Variants in ZNF670 observed in about 807,000 individuals in gnomAD.
ZNF670 encodes zinc finger protein 670.
In ZNF670, 7 loss-of-function variants were observed where a neutral mutation model predicts 10.9. That is an observed-to-expected ratio of 0.64 (90% CI 0.36 to 1.20). ZNF670 has a LOEUF of 1.20. Ranked by LOEUF, ZNF670 falls within the 50% of genes most tolerant of loss-of-function variation. The pLI is 0.02. For synonymous variants in ZNF670, 136 were observed against 152.7 expected (o/e 0.89, Z 0.81); for missense variants, 446 against 458.6 (o/e 0.97, Z 0.25).
At chr1:247,051,774 C>G (rs967538534) in intron 1 of ZNF670, among the ~76,000 whole-genome samples, 8 of 128,094 alleles carry the variant, frequency 6.2e-5, no homozygotes, top group African/African-American at 2.3e-4. Context: ...AGGCTTTGTT[C>G]TTTTTTCATT....
intron 1 of ZNF670, among the ~76,000 whole-genome samples, chr1:247,075,018 C>A (rs1046153297): frequency 1.3e-5 from 2 of 152,222 alleles, no homozygotes; most frequent in Admixed American, 1.3e-4. Flanking sequence ...TCTGTAGCTT[C>A]TCTCAATATA....
intron 1 of ZNF670, among the ~76,000 whole-genome samples, chr1:247,055,701 T>C (rs573820779): frequency 7.5e-4 from 114 of 152,236 alleles, no homozygotes; most frequent in African/African-American, 2.7e-3. Context: ...CGGAACTAAA[T>C]TCTCCCATCA....
At chr1:247,059,379 G>A (rs1396676172) in intron 1 of ZNF670, among the ~76,000 whole-genome samples, 1 of 152,116 alleles carries the variant, frequency 6.6e-6, no homozygotes, top group African/African-American at 2.4e-5. Context: ...CTGGGAGGCT[G>A]AGCTTGCAGT....
chr1:247,064,075 C>A (rs1267435823), intron 1 of ZNF670, among the ~76,000 whole-genome samples: 1 of 152,208 alleles, frequency 6.6e-6, no homozygotes, highest in East Asian at 1.9e-4. Context: ...CAGCCCCTCC[C>A]CGTGTTAGGA....
chr1:247,048,130 C>A (rs1670502050), intron 1 of ZNF670, among the ~76,000 whole-genome samples: 1 of 152,184 alleles, frequency 6.6e-6, no homozygotes, highest in South Asian at 2.1e-4. Flanking sequence ...CTCTTTTAAA[C>A]ATAAGTTTCA....
intron 1 of ZNF670, among the ~76,000 whole-genome samples, chr1:247,063,344 C>T (rs911719118): frequency 2.6e-5 from 4 of 152,002 alleles, no homozygotes; most frequent in South Asian, 2.1e-4. Flanking sequence ...GAGGCTGAGG[C>T]GGGCGGATCA....
chr1:247,037,501 G>C lies in ZNF670; in HGVS notation c.1118C>G (p.Ala373Gly). The C allele has an allele frequency of 6.2e-7, 1 of 1,614,012 alleles. No homozygotes were observed. Among genetic ancestry groups the C allele is most frequent in the Admixed American group, 1.7e-5 (1 of 60,008 alleles). The change falls in exon 4 of 4, where the codon GCC becomes GGC. Residue 373 changes from alanine to glycine, a missense_variant. Transcript: ENST00000366503. ...TCGAAGGGAACTGGAACAACTGAAG[G>C]CTTTACCACATTTCTTACATTCATA... ...KPYECKKCGK[A>G]FSCSSSLRKH...
chr1:247,043,622 C>T (rs759494835), intron 1 of ZNF670: 8 of 561,282 alleles, frequency 1.4e-5, no homozygotes, highest in Non-Finnish European at 2.8e-5. Context: ...AGAATAACAT[C>T]AAAAATCAAA....
chr1:247,054,672 C>T (rs187428465), intron 1 of ZNF670, among the ~76,000 whole-genome samples: 63 of 152,300 alleles, frequency 4.1e-4, no homozygotes, highest in Admixed American at 2.9e-3. Context: ...CAGTAAGCCA[C>T]GGGCCTTTGG....
chr1:247,053,112 C>G (rs767226223), intron 1 of ZNF670, among the ~76,000 whole-genome samples: 3 of 152,074 alleles, frequency 2.0e-5, no homozygotes, highest in Non-Finnish European at 2.9e-5. Context: ...CCCATGCAGC[C>G]GGAAAAGCCA....
At chr1:247,078,087 T>G (rs1671294227) in intron 1 of ZNF670, among the ~76,000 whole-genome samples, 1 of 152,220 alleles carries the variant, frequency 6.6e-6, no homozygotes, top group Non-Finnish European at 1.5e-5. Context: ...GATCAATTAT[T>G]TAATTGGGTT....
In ZNF670 at chr1:247,064,191, G is replaced by A. The variant is rs1035567634; in HGVS notation, c.3+14403C>T. 5.3e-5 allele frequency among the ~76,000 whole-genome samples: 8 copies of A among 152,320 alleles called. No individual in the cohort carries two copies. The South Asian group carries it at 1.4e-3, about 28-fold the overall frequency. On this transcript the variant is annotated intron_variant, in intron 1 of 3. Coordinates refer to ENST00000366503, the MANE Select transcript of ZNF670 (RefSeq NM_033213.5). The stretch of plus-strand genomic sequence containing the variant: ...TCTTTTCTAGAATGTCGCAGTACCC[G>A]CAAGCAGGTCATAGGGCAAGAGAAG...
At chr1:247,065,000 G>A (rs1468511983) in intron 1 of ZNF670, among the ~76,000 whole-genome samples, 1 of 151,992 alleles carries the variant, frequency 6.6e-6, no homozygotes, top group South Asian at 2.1e-4. Flanking sequence ...GTAGAGACGG[G>A]GTTTTACCAT....
chr1:247,057,790 T>G (rs775767362), intron 1 of ZNF670, among the ~76,000 whole-genome samples: 20 of 152,232 alleles, frequency 1.3e-4, no homozygotes, highest in Non-Finnish European at 5.9e-5. Context: ...TTAAAATGAC[T>G]GAACTTATGG....
At chr1:247,047,944 G>A (rs532526451) in intron 1 of ZNF670, among the ~76,000 whole-genome samples, 7 of 152,270 alleles carry the variant, frequency 4.6e-5, no homozygotes, top group Non-Finnish European at 8.8e-5. Context: ...AGGGACTGCC[G>A]TGAAGACCTC....
At chr1:247,067,841 C>A (rs1368090917) in intron 1 of ZNF670, among the ~76,000 whole-genome samples, 7 of 85,274 alleles carry the variant, frequency 8.2e-5, no homozygotes, top group East Asian at 6.7e-4. Flanking sequence ...GACTCCGTCT[C>A]AAAAAAAAAA....
intron 1 of ZNF670, among the ~76,000 whole-genome samples, chr1:247,052,055 A>G (rs1055527321): frequency 6.7e-6 from 1 of 150,046 alleles, no homozygotes; most frequent in Admixed American, 6.6e-5. Flanking sequence ...CTCCACGAGT[A>G]GCTTAATAAT....
chr1:247,078,774 C>A lies in ZNF670; in HGVS notation c.-178G>T. ...CCAACACAAAAGCCGCGCCAGGTCCCGGAAGCTGCTCCCTCCTTTCGCGGC... is the reference window on the plus strand; with the variant it reads ...CCAACACAAAAGCCGCGCCAGGTCCAGGAAGCTGCTCCCTCCTTTCGCGGC... On this transcript the variant is annotated 5_prime_UTR_variant, in exon 1 of 4. Coordinates refer to ENST00000366503, the MANE Select transcript of ZNF670 (RefSeq NM_033213.5). 1 of 649,134 alleles carries A rather than the reference C, an allele frequency of 1.5e-6. No individual in the cohort carries two copies. The highest frequency in any genetic ancestry group is 2.0e-5 in the South Asian group (1 of 50,268). The allele number at this position is 649,134 out of a possible 1,614,324, so 40.2% of individuals were successfully genotyped here.
Position 247,068,829 on chromosome 1 carries a change from C to CAAAAA in ZNF670, c.3+9760_3+9764dup, listed in dbSNP as rs35582452. Among the ~76,000 whole-genome samples, 65 of 85,546 alleles carry CAAAAA rather than the reference C, an allele frequency of 7.6e-4. 1 individual carries two copies. The highest frequency in any genetic ancestry group is 1.8e-3 in the African/African-American group (39 of 21,544). The allele number at this position is 85,546 out of a possible 152,430, so 56.1% of individuals were successfully genotyped here. Reference sequence around the variant, plus strand: ...TACACACACTGGGGTACTATTTTGCCAAAAAAAAAAAAAAAAAAAAGAATG... The same window carrying CAAAAA: ...TACACACACTGGGGTACTATTTTGCCAAAAAAAAAAAAAAAAAAAAAAAAAGAATG... On this transcript the variant is annotated intron_variant, in intron 1 of 3. Transcript: ENST00000366503.
Sources: allele counts gnomAD v4.1 joint callset (sites outside exome capture counted in the v4.1 genomes callset), GRCh38; gene constraint gnomAD v4.1.1; transcripts MANE v1.5; gene names NCBI Gene and HGNC (gene_info 2026-07-23, HGNC 2026-07-21).